Variants in C1QTNF3 observed in about 807,000 individuals in gnomAD.
C1QTNF3 encodes the protein complement C1q tumor necrosis factor-related protein 3.
A neutral mutation model predicts 32.6 loss-of-function variants in C1QTNF3; 26 were observed. The observed-to-expected ratio is 0.80, with a 90% CI of 0.58 to 1.11. The LOEUF (loss-of-function observed/expected upper bound fraction) is 1.11. Ranked by LOEUF, C1QTNF3 falls within the 50% of genes least tolerant of loss-of-function variation. The probability of loss-of-function intolerance (pLI) is 0.00; values close to 1 mark genes in which losing one functional copy is unlikely to be tolerated. For synonymous variants in C1QTNF3, 155 were observed against 146.0 expected, an observed-to-expected ratio of 1.06 and a Z score of -0.44; for missense variants, 362 against 398.2, an observed-to-expected ratio of 0.91 and a Z score of 0.77.
the C1QTNF3 span, among the ~76,000 whole-genome samples, chr5:34,155,663 A>G: frequency 7.9e-5 from 12 of 152,194 alleles, no homozygotes; most frequent in Admixed American, 2.0e-4. Flanking sequence ...GAGATTTTGA[A>G]TTGTTCTTAG....
chr5:34,121,765 C>A, the C1QTNF3 span, among the ~76,000 whole-genome samples: 3 of 152,002 alleles, frequency 2.0e-5, no homozygotes, highest in African/African-American at 7.3e-5. Flanking sequence ...AACTCTAATC[C>A]CCAAAATGAT....
At chr5:34,024,246 C>A (rs756873398) in intron 4 of C1QTNF3, 2 of 426,472 alleles carry the variant, frequency 4.7e-6, no homozygotes. Context: ...AGGGAAGGAG[C>A]CTACCTCATT....
the C1QTNF3 span, among the ~76,000 whole-genome samples, chr5:34,244,363 A>C: frequency 6.6e-6 from 1 of 152,164 alleles, no homozygotes; most frequent in South Asian, 2.1e-4. Flanking sequence ...GATTGCAAAG[A>C]GCAAAAGAAC....
chr5:34,217,474 T>C, the C1QTNF3 span, among the ~76,000 whole-genome samples: 2 of 152,102 alleles, frequency 1.3e-5, no homozygotes, highest in Non-Finnish European at 2.9e-5. Flanking sequence ...ATGACTTCTA[T>C]CTTCAAGGTG....
the C1QTNF3 span, among the ~76,000 whole-genome samples, chr5:34,065,089 C>T: frequency 6.6e-6 from 1 of 152,134 alleles, no homozygotes; most frequent in Non-Finnish European, 1.5e-5. Flanking sequence ...AAGAAACTAT[C>T]AACAGAGTAA....
chr5:34,153,873 A>C, the C1QTNF3 span, among the ~76,000 whole-genome samples: 1 of 150,306 alleles, frequency 6.7e-6, no homozygotes, highest in African/African-American at 2.4e-5. Flanking sequence ...AAAAAAAAAA[A>C]AACAAAAGCA....
the C1QTNF3 span, among the ~76,000 whole-genome samples, chr5:34,092,845 T>C: frequency 2.0e-5 from 3 of 152,006 alleles, no homozygotes; most frequent in East Asian, 1.9e-4. Flanking sequence ...ACTAGACTTG[T>C]TGGTTTTCAC....
the C1QTNF3 span, among the ~76,000 whole-genome samples, chr5:34,164,283 G>A: frequency 5.5e-4 from 84 of 152,098 alleles, no homozygotes; most frequent in Non-Finnish European, 1.0e-3. Flanking sequence ...CCAGAAAAAT[G>A]ATCAATGGTA....
the C1QTNF3 span, among the ~76,000 whole-genome samples, chr5:34,052,520 A>C: frequency 6.6e-6 from 1 of 152,378 alleles, no homozygotes; most frequent in East Asian, 1.9e-4. Flanking sequence ...TATTGACTTT[A>C]GCTGCAGACA....
chr5:34,093,902 T>C, the C1QTNF3 span, among the ~76,000 whole-genome samples: 2 of 152,302 alleles, frequency 1.3e-5, no homozygotes, highest in Middle Eastern at 3.4e-3. Flanking sequence ...TCCTTTCTGC[T>C]AACAGCTGCT....
chr5:34,153,947 T>C, the C1QTNF3 span, among the ~76,000 whole-genome samples: 3 of 151,772 alleles, frequency 2.0e-5, no homozygotes, highest in African/African-American at 7.3e-5. Flanking sequence ...TTGTTATCAT[T>C]TCACATAATA....
the C1QTNF3 span, among the ~76,000 whole-genome samples, chr5:34,051,549 C>T: frequency 1.3e-5 from 2 of 152,158 alleles, no homozygotes; most frequent in Non-Finnish European, 2.9e-5. Flanking sequence ...ATGTGCTGTA[C>T]TGGTTAGTTA....
chr5:34,171,725 T>A, the C1QTNF3 span, among the ~76,000 whole-genome samples: 2 of 152,136 alleles, frequency 1.3e-5, no homozygotes, highest in Non-Finnish European at 2.9e-5. Flanking sequence ...AGTGGTTTCA[T>A]TTACCTTCAA....
the C1QTNF3 span, among the ~76,000 whole-genome samples, chr5:34,114,168 C>T: frequency 6.6e-6 from 1 of 152,100 alleles, no homozygotes; most frequent in Non-Finnish European, 1.5e-5. Context: ...ATTATATGAA[C>T]TAAATTATAC....
the C1QTNF3 span, among the ~76,000 whole-genome samples, chr5:34,100,316 T>C: frequency 6.6e-6 from 1 of 151,680 alleles, no homozygotes; most frequent in Non-Finnish European, 1.5e-5. Flanking sequence ...GTTCCTCTCT[T>C]GAAACTATTG....
the C1QTNF3 span, chr5:34,158,340 C>T: frequency 2.0e-5 from 3 of 152,068 alleles, no homozygotes; most frequent in Non-Finnish European, 2.9e-5. Flanking sequence ...CTCCTGACCT[C>T]AAGTGATCCA....
the C1QTNF3 span, among the ~76,000 whole-genome samples, chr5:34,076,197 G>A: frequency 1.3e-5 from 2 of 151,352 alleles, no homozygotes; most frequent in Non-Finnish European, 2.9e-5. Context: ...GATTAATGAC[G>A]GTGATGCTCA....
chr5:34,105,650 T>C, the C1QTNF3 span: 56 of 152,258 alleles, frequency 3.7e-4, no homozygotes, highest in East Asian at 7.1e-3. Context: ...AAAGTAATTT[T>C]CTTTCAATTT....
At chr5:34,041,032 T>C (rs1754860325) in intron 1 of C1QTNF3, among the ~76,000 whole-genome samples, 1 of 152,208 alleles carries the variant, frequency 6.6e-6, no homozygotes, top group Admixed American at 6.5e-5. Context: ...CTCAGGCATA[T>C]TTATCTTTAT....
Sources: gnomAD v4.1 joint callset for allele counts (sites outside exome capture counted in the v4.1 genomes callset) on GRCh38, gnomAD v4.1.1 for gene constraint, MANE v1.5 for transcripts, NCBI Gene and HGNC (gene_info 2026-07-23, HGNC 2026-07-21) for gene names.